The following DNM1 variants were observed in gnomAD, a reference collection of about 807,000 sequenced individuals.
DNM1 encodes dynamin 1, also known as dynamin-1.
Under a neutral mutation model 104.6 loss-of-function variants are expected in DNM1, and 29 were observed. The ratio of observed to expected loss-of-function variants is 0.28; its 90% CI spans 0.21 to 0.38. The LOEUF (loss-of-function observed/expected upper bound fraction) is 0.38. Ranked by LOEUF, DNM1 falls within the 10% of genes least tolerant of loss-of-function variation. The pLI is 1.00. For missense variants in DNM1, 640 were observed against 1,189.4 expected (o/e 0.54, Z 6.79); for synonymous variants, 445 against 475.8 (o/e 0.94, Z 0.84).
intron 10 of DNM1, among the ~76,000 whole-genome samples, chr9:128,230,866 G>C (rs879913594): frequency 6.6e-6 from 1 of 151,206 alleles, no homozygotes; most frequent in African/African-American, 2.4e-5. Context: ...GCAGTGGCAC[G>C]ATCTCGGCTC....
rs199620094 is a variant in DNM1 at position 128,253,171 on chromosome 9, G to A, written c.2535-1483G>A. On this transcript the variant is annotated intron_variant, in intron 21 of 21. Transcript: ENST00000372923. This position sits in a 1 kb window ranked among gnomAD's most constrained non-coding sequence, Gnocchi z 5.9. ...ATGCCTCACCGCCTGCTGCATGAACGGTGTGTCTGCCCCGCTGCACTAGCT... is the reference window on the plus strand; with the variant it reads ...ATGCCTCACCGCCTGCTGCATGAACAGTGTGTCTGCCCCGCTGCACTAGCT... 4.9e-5 allele frequency: 78 copies of A among 1,597,060 alleles called. No individual in the cohort carries two copies. The highest frequency in any genetic ancestry group is 6.3e-5 in the Non-Finnish European group (74 of 1,177,536).
Position 128,243,876 on chromosome 9 carries a change from T to C in DNM1, c.1671+1531T>C, listed in dbSNP as rs574921389. On this transcript the variant is annotated intron_variant, in intron 15 of 21. Transcript: ENST00000372923. This position sits in a 1 kb window ranked among gnomAD's most constrained non-coding sequence, Gnocchi z 4.0. ...GTTAAGTCGTGTGCGAAAACAGCTC[T>C]GAGAATCATATGTGGGGAGATGGGA... Among the ~76,000 whole-genome samples the C allele has an allele frequency of 6.6e-6, 1 of 152,194 alleles. No individual in the cohort carries two copies. Among genetic ancestry groups the C allele is most frequent in the Non-Finnish European group, 1.5e-5 (1 of 68,008 alleles).
chr9:128,244,889 A>T (rs1836664666), intron 15 of DNM1: 1 of 455,222 alleles, frequency 2.2e-6, no homozygotes, highest in Non-Finnish European at 4.7e-6. Context: ...TCCCCTGGAG[A>T]TCCGAGAACC....
At chr9:128,233,382 G>T (rs41276240) in intron 10 of DNM1, among the ~76,000 whole-genome samples, 3 of 152,102 alleles carry the variant, frequency 2.0e-5, no homozygotes, top group Non-Finnish European at 2.9e-5. Flanking sequence ...GCTGGCCCCC[G>T]CCTTGCATGT....
At chr9:128,251,321 C>G in intron 21 of DNM1, 1 of 385,706 alleles carries the variant, frequency 2.6e-6, no homozygotes, top group Non-Finnish European at 5.1e-6. Context: ...TCTCCCAGCC[C>G]CTGGGGAGCC....
chr9:128,231,003 A>G (rs1300672190), intron 10 of DNM1, among the ~76,000 whole-genome samples: 1 of 151,396 alleles, frequency 6.6e-6, no homozygotes, highest in Non-Finnish European at 1.5e-5. Flanking sequence ...GGATTTCACC[A>G]TGTTAGCCAG....
intron 15 of DNM1, chr9:128,244,892 C>T (rs567313721): frequency 9.1e-5 from 41 of 448,396 alleles, no homozygotes; most frequent in African/African-American, 6.1e-4. Context: ...CCTGGAGATC[C>T]GAGAACCCCC....
In DNM1 at chr9:128,253,416, T is replaced by G. The variant is rs1281968075; in HGVS notation, c.2535-1238T>G. 1 of 524,486 alleles carries G rather than the reference T, an allele frequency of 1.9e-6. No homozygotes were observed. Among genetic ancestry groups the G allele is most frequent in the African/African-American group, 1.9e-5 (1 of 51,940 alleles). The allele number at this position is 524,486 out of a possible 1,614,324, so 32.5% of individuals were successfully genotyped here. A position where few individuals can be genotyped will look rare whatever the true frequency, so the allele number is the denominator to read the frequency against. ...CGCCCAAGCTGGCAGACATGGGTGC[T>G]CTCTGGAGCCGTCAGAGAGGGCAGA... On this transcript the variant is annotated intron_variant, in intron 21 of 21. Coordinates refer to ENST00000372923, the MANE Select transcript of DNM1 (RefSeq NM_004408.4). The surrounding 1 kb of genome is among the most constrained non-coding windows in gnomAD (Gnocchi z 5.9).
chr9:128,244,237 G>T lies in DNM1; in HGVS notation c.1671+1892G>T, dbSNP rs150001634. ...ATGGGGGGAGTGTTCCAGTTGTGAG[G>T]GTGTGTATGGGTGTGTGTGCATGCA... On this transcript the variant is annotated intron_variant, in intron 15 of 21. Coordinates refer to ENST00000372923, the MANE Select transcript of DNM1 (RefSeq NM_004408.4). Among the ~76,000 whole-genome samples the T allele has an allele frequency of 2.1e-3, 321 of 151,662 alleles. 2 individuals carry two copies. The East Asian group carries it at 0.023, about 11-fold the overall frequency.
rs1209355893 is a variant in DNM1 at position 128,243,337 on chromosome 9, G to A, written c.1671+992G>A. ...AACTCCAGCTGGCCAAGGAGTGGGG[G>A]AAGGGACCCTCTTCTTCCTGAGGGG... On this transcript the variant is annotated intron_variant, in intron 15 of 21. Coordinates refer to ENST00000372923, the MANE Select transcript of DNM1 (RefSeq NM_004408.4). The surrounding 1 kb of genome is among the most constrained non-coding windows in gnomAD (Gnocchi z 4.0). Among the ~76,000 whole-genome samples the A allele has an allele frequency of 1.3e-5, 2 of 152,166 alleles. No individual in the cohort carries two copies. The highest frequency in any genetic ancestry group is 4.1e-4 in the South Asian group (2 of 4,830).
At position 128,224,481 on chromosome 9, in the gene DNM1, C is replaced by T. The variant is rs564782999; in HGVS notation, c.1335+92C>T. 63 of 1,332,544 alleles carry T rather than the reference C, an allele frequency of 4.7e-5. No homozygotes were observed. Among genetic ancestry groups the T allele is most frequent in the East Asian group, 1.9e-4 (8 of 42,676 alleles). The allele number at this position is 1,332,544 out of a possible 1,614,324, so 82.5% of individuals were successfully genotyped here. A position where few individuals can be genotyped will look rare whatever the true frequency, so the allele number is the denominator to read the frequency against. On this transcript the variant is annotated intron_variant, in intron 10 of 21. Coordinates refer to ENST00000372923, the MANE Select transcript of DNM1 (RefSeq NM_004408.4). This position sits in a 1 kb window ranked among gnomAD's most constrained non-coding sequence, Gnocchi z 4.3. ...TTCCCCATGTCCCCCCCTGCCTCCT[C>T]GGTAGCATGTACAGACCTCAGCGGG... is the stretch of plus-strand genomic sequence containing the variant.
rs780836515 is a variant in DNM1 at position 128,224,297 on chromosome 9, A to G, written c.1243A>G (p.Lys415Glu). ...CATGGCCTTTGAGACCATTGTGAAA[A>G]AGCAGGTGAAGAAGATCCGAGAACC... ...PDMAFETIVK[K>E]QVKKIREPCL... The change falls in exon 10 of 22, where the codon AAG becomes GAG. Residue 415 changes from lysine to glutamate, a missense_variant. Transcript: ENST00000372923. This position sits in a 1 kb window ranked among gnomAD's most constrained non-coding sequence, Gnocchi z 4.3. 6.2e-7 allele frequency: 1 copy of G among 1,614,060 alleles called. No individual in the cohort carries two copies. Among genetic ancestry groups the G allele is most frequent in the Non-Finnish European group, 8.5e-7 (1 of 1,179,984 alleles).
At chr9:128,210,219 TTTTTA>T (rs1402424695) in intron 1 of DNM1, among the ~76,000 whole-genome samples, 1 of 151,812 alleles carries the variant, frequency 6.6e-6, no homozygotes, top group Non-Finnish European at 1.5e-5. Flanking sequence ...CCAGCTAAGT[TTTTTA>T]TTTTATTTTT....
rs1020156717 is a variant in DNM1, at chr9:128,243,595, A to T, written c.1671+1250A>T. Among the ~76,000 whole-genome samples the T allele has an allele frequency of 2.0e-5, 3 of 151,982 alleles. No homozygotes were observed. The highest frequency in any genetic ancestry group is 4.4e-5 in the Non-Finnish European group (3 of 67,956). Reference sequence around the variant, plus strand: ...CCCACCATGGGGGCCCCTGGAAGGGATGGAGTGTGCAGTGGCATGGGGTGC... The same window carrying T: ...CCCACCATGGGGGCCCCTGGAAGGGTTGGAGTGTGCAGTGGCATGGGGTGC... On this transcript the variant is annotated intron_variant, in intron 15 of 21. Coordinates refer to ENST00000372923, the MANE Select transcript of DNM1 (RefSeq NM_004408.4). The surrounding 1 kb of genome is among the most constrained non-coding windows in gnomAD (Gnocchi z 4.0).
intron 10 of DNM1, 163 bp from the exon 11 acceptor site, chr9:128,233,858 G>A: frequency 1.6e-6 from 1 of 633,508 alleles, no homozygotes; most frequent in Non-Finnish European, 2.8e-6. Flanking sequence ...CCGTGGCTTG[G>A]TGCCATCAGC....
In DNM1 at chr9:128,203,481, G is replaced by A. The variant is rs1833612913; in HGVS notation, c.11G>A (p.Arg4His). The A allele has an allele frequency of 2.6e-6, 4 of 1,511,856 alleles. No individual in the cohort carries two copies. The highest frequency in any genetic ancestry group is 5.7e-5 in the East Asian group (2 of 35,210). 93.7% of individuals were successfully genotyped at this position (1,511,856 alleles called of 1,614,324 possible). The change falls in exon 1 of 22, where the codon CGC becomes CAC. Residue 4 changes from arginine to histidine, a missense_variant. Arg to His is a conservative substitution (Grantham distance 29, BLOSUM62 0). This residue lies in a region of DNM1 where 172 missense variants were observed against 335.3 expected (regional missense o/e 0.51). Transcript: ENST00000372923. The surrounding 1 kb of genome is among the most constrained non-coding windows in gnomAD (Gnocchi z 5.3). ...GGGCCCGCCGCAGCCATGGGCAACC[G>A]CGGCATGGAAGATCTCATCCCGCTG... MGN[R>H]GMEDLIPLVN...
intron 15 of DNM1, among the ~76,000 whole-genome samples, chr9:128,244,183 G>T (rs1187699204): frequency 6.6e-6 from 1 of 151,758 alleles, no homozygotes; most frequent in African/African-American, 2.4e-5. Flanking sequence ...GGGTGTTTGA[G>T]AATCTGTGTA....
intron 10 of DNM1, among the ~76,000 whole-genome samples, chr9:128,231,421 G>A (rs1191455038): frequency 6.6e-6 from 1 of 151,616 alleles, no homozygotes; most frequent in Middle Eastern, 3.2e-3. Context: ...GGCTGGTCTC[G>A]AACTCCCGAC....
chr9:128,240,035 G>A lies in DNM1; in HGVS notation c.1557+39G>A. On this transcript the variant is annotated intron_variant, in intron 14 of 21. Coordinates refer to ENST00000372923, the MANE Select transcript of DNM1 (RefSeq NM_004408.4). The surrounding 1 kb of genome is among the most constrained non-coding windows in gnomAD (Gnocchi z 5.1). ...CTGGGGCTCTCGGCTTGTGTAGTGA[G>A]GGGGCGGAGGGTCCATCGGCAGTGG... The A allele has an allele frequency of 6.2e-7, 1 of 1,613,064 alleles. No homozygotes were observed. The highest frequency in any genetic ancestry group is 8.5e-7 in the Non-Finnish European group (1 of 1,179,150).
Sources: gnomAD v4.1 joint callset for allele counts (sites outside exome capture counted in the v4.1 genomes callset) on GRCh38, gnomAD v4.1.1 for gene constraint, gnomAD v4.1.1 regional missense constraint, Gnocchi (gnomAD v3.1) non-coding constraint, MANE v1.5 for transcripts, NCBI Gene and HGNC (gene_info 2026-07-23, HGNC 2026-07-21) for gene names.